CHD4: variants seen among roughly 807,000 people sequenced by gnomAD.
CHD4 encodes the protein ATP-dependent chromatin remodeler CHD4.
CHD4 carries 35 observed loss-of-function variants against 235.5 expected under a neutral mutation model. The observed-to-expected ratio is 0.15, with a 90% CI of 0.11 to 0.20. The LOEUF (loss-of-function observed/expected upper bound fraction) is 0.20, where lower values mean the gene tolerates loss of function less well. CHD4 is among the 10% of genes least tolerant of loss of function. The pLI, the probability that CHD4 is intolerant of heterozygous loss-of-function variation, is 1.00. For synonymous variants in CHD4, 900 were observed against 850.2 expected (o/e 1.06, Z -1.02); for missense variants, 1,329 against 2,432.3 (o/e 0.55, Z 9.54).
chr12:6,591,805 A>G lies in CHD4; in HGVS notation c.3111T>C (p.Asn1037=). The change falls in exon 21 of 40, where the codon AAT becomes AAC. Residue 1037 remains asparagine (N), a synonymous_variant. Transcript: ENST00000544040. Reference sequence around the variant, plus strand: ...TTAGGGCACTGCCATCATACATGCCATTAGGCATCTTAGGAGCTTCCTGAG... The same window carrying G: ...TTAGGGCACTGCCATCATACATGCCGTTAGGCATCTTAGGAGCTTCCTGAG... ...VAAMEAPKMP[N]GMYDGSALIR... 6.2e-7 allele frequency: 1 copy of G among 1,614,236 alleles called. No homozygotes were observed. The highest frequency in any genetic ancestry group is 8.5e-7 in the Non-Finnish European group (1 of 1,180,034).
Position 6,600,575 on chromosome 12 carries a change from C to T in CHD4, c.1022G>A (p.Arg341His), listed in dbSNP as rs1270212341. 3 of 1,613,886 alleles carry T rather than the reference C, an allele frequency of 1.9e-6. No homozygotes were observed. The highest frequency in any genetic ancestry group is 2.2e-5 in the East Asian group (1 of 44,888). ...VSDGSTSRSS[R>H]SRKKLRTTKK... ...AGTGGTTCGGAGTTTCTTGCGGCTG[C>T]GGCTACTACGGCTGGTGGAACCATC... The change falls in exon 8 of 40, where the codon CGC (arginine) becomes CAC (histidine). Residue 341 changes from arginine (R) to histidine (H), a missense_variant. Around this residue, in one of 26 missense-constraint regions of CHD4, gnomAD observed 160 missense variants for 196.6 expected, o/e 0.81. Coordinates refer to ENST00000544040, the MANE Select transcript of CHD4 (RefSeq NM_001273.5).
chr12:6,601,729 C>T lies in CHD4; in HGVS notation c.476G>A (p.Gly159Asp). 6.2e-7 allele frequency: 1 copy of T among 1,614,112 alleles called. No homozygotes were observed. Among genetic ancestry groups the T allele is most frequent in the African/African-American group, 1.3e-5 (1 of 75,008 alleles). ...KSSAQLLEDWGMEDIDHVFSE... is the reference protein window; with the variant it reads ...KSSAQLLEDWDMEDIDHVFSE... Reference sequence around the variant, plus strand: ...GAACACGTGGTCAATGTCTTCCATGCCCCAGTCTTCCAGGAGCTGAGCAGA... The same window carrying T: ...GAACACGTGGTCAATGTCTTCCATGTCCCAGTCTTCCAGGAGCTGAGCAGA... Residue 159 changes from glycine (G) to aspartate (D), a missense_variant, in exon 5 of 40, where the codon GGC (glycine) becomes GAC (aspartate). Physicochemically the swap from Gly to Asp is moderately conservative, Grantham distance 94. This residue lies in a region of CHD4 where 39 missense variants were observed against 86.6 expected (regional missense o/e 0.45). Transcript: ENST00000544040.
At position 6,606,320 on chromosome 12, in the gene CHD4, C is replaced by A; in HGVS notation, c.54G>T (p.Glu18Asp). 1 of 1,573,328 alleles carries A rather than the reference C, an allele frequency of 6.4e-7. No individual in the cohort carries two copies. Among genetic ancestry groups the A allele is most frequent in the Non-Finnish European group, 8.6e-7 (1 of 1,162,486 alleles). ...TGTTGTTCAAAAGTGCATCCATATC[C>A]TCCTCCTCACTGCCCGCCGAGCAGG... ...PSPCSAGSEE[E>D]DMDALLNNSL... Residue 18 changes from glutamate (E) to aspartate (D), a missense_variant, in exon 2 of 40, where the codon GAG (glutamate) becomes GAT (aspartate). Physicochemically the swap from Glu to Asp is conservative, Grantham distance 45. This residue lies in a region of CHD4 where 213 missense variants were observed against 177.5 expected (regional missense o/e 1.20). Transcript: ENST00000544040.
chr12:6,576,038 CCT>C (rs1948064768), intron 37 of CHD4, among the ~76,000 whole-genome samples: 2 of 152,100 alleles, frequency 1.3e-5, no homozygotes, highest in South Asian at 2.1e-4. Flanking sequence ...ACTCCAATTC[CCT>C]CTCGAGAACT....
intron 24 of CHD4, 57 bp from the exon 25 acceptor site, chr12:6,587,616 A>ATTT (rs1948322966): frequency 6.2e-7 from 1 of 1,608,920 alleles, no homozygotes; most frequent in Non-Finnish European, 8.5e-7. Context: ...TGCAGTGGAA[A>ATTT]AAGCAAGTCC....
chr12:6,570,319 C>A lies in CHD4; in HGVS notation c.*357G>T. 3.3e-6 allele frequency: 1 copy of A among 303,080 alleles called. No homozygotes were observed. Among genetic ancestry groups the A allele is most frequent in the Non-Finnish European group, 6.1e-6 (1 of 162,754 alleles). 18.8% of individuals were successfully genotyped at this position (303,080 alleles called of 1,614,324 possible). ...GGAGAAAAGAAAACACAAAATAAAC[C>A]AACAAAATAAAACCAAAAGGAGGAA... is the stretch of plus-strand genomic sequence containing the variant. On this transcript the variant is annotated 3_prime_UTR_variant, in exon 40 of 40. Transcript: ENST00000544040.
chr12:6,589,033 T>G (rs1948347786), intron 22 of CHD4, among the ~76,000 whole-genome samples: 1 of 151,732 alleles, frequency 6.6e-6, no homozygotes, highest in Non-Finnish European at 1.5e-5. Context: ...AGATCACCTG[T>G]GGTCAGGAGT....
Position 6,581,872 on chromosome 12 carries a change from T to C in CHD4, c.4516-58A>G, listed in dbSNP as rs1317253962. ...ATTCCAGCTACAGGCTCCTTTCCTA[T>C]TGGCCTTCCAGTCTCCGCCTCCCGG... On this transcript the variant is annotated intron_variant, in intron 30 of 39. Transcript: ENST00000544040. 1.2e-5 allele frequency: 18 copies of C among 1,488,770 alleles called. No homozygotes were observed. The East Asian group carries it at 2.6e-4, about 21-fold the overall frequency. 92.2% of individuals were successfully genotyped at this position (1,488,770 alleles called of 1,614,324 possible).
At chr12:6,600,170 C>T in intron 9 of CHD4, 47 bp downstream of exon 9, 1 of 1,604,904 alleles carries the variant, frequency 6.2e-7, no homozygotes, top group South Asian at 1.1e-5. Context: ...TACTGTCCCA[C>T]CCTTCTTCTC....
In CHD4 at chr12:6,601,345, G is replaced by A. The variant is rs368236345; in HGVS notation, c.743C>T (p.Pro248Leu). The A allele has an allele frequency of 6.2e-7, 1 of 1,614,096 alleles. No individual in the cohort carries two copies. The highest frequency in any genetic ancestry group is 8.5e-7 in the Non-Finnish European group (1 of 1,180,000). Residue 248 changes from proline to leucine, a missense_variant, in exon 6 of 40, where the codon CCA becomes CTA. Around this residue, in one of 26 missense-constraint regions of CHD4, gnomAD observed 160 missense variants for 196.6 expected, o/e 0.81. Coordinates refer to ENST00000544040, the MANE Select transcript of CHD4 (RefSeq NM_001273.5). ...AGGCACCTCCACAGGGGGAGGTGGT[G>A]GTGCAACCTCAGTGGCTGTCACCAT... is the stretch of plus-strand genomic sequence containing the variant. ...ESMVTATEVAPPPPPVEVPIR... is the reference protein window; with the variant it reads ...ESMVTATEVALPPPPVEVPIR...
intron 7 of CHD4, 123 bp downstream of exon 7, chr12:6,600,803 C>A (rs1316696714): frequency 2.7e-6 from 4 of 1,509,350 alleles, no homozygotes; most frequent in Non-Finnish European, 2.7e-6. Flanking sequence ...CTAGTCTCAT[C>A]TTGTTCTGTG....
At chr12:6,575,348 T>C (rs550934835) in intron 37 of CHD4, among the ~76,000 whole-genome samples, 1 of 149,916 alleles carries the variant, frequency 6.7e-6, no homozygotes, top group South Asian at 2.1e-4. Context: ...CTTAGGAGGC[T>C]GAGGCAGGAG....
rs2136213914 is a variant in CHD4 at position 6,592,076 on chromosome 12, AAGAC to A, written c.2949-23_2949-20del. The A allele has an allele frequency of 1.2e-6, 2 of 1,613,900 alleles. No homozygotes were observed. Among genetic ancestry groups the A allele is most frequent in the Middle Eastern group, 1.7e-4 (1 of 6,004 alleles). Reference sequence around the variant, plus strand: ...GTATTTCCTACATGGGCAAGGTAGAAAGACAGGTTAGACTTGAGAGCCTTTCAAT... The same window carrying A: ...GTATTTCCTACATGGGCAAGGTAGAAAGGTTAGACTTGAGAGCCTTTCAAT... On this transcript the variant is annotated intron_variant, in intron 19 of 39. Transcript: ENST00000544040.
intron 10 of CHD4, among the ~76,000 whole-genome samples, chr12:6,598,997 T>A (rs771774996): frequency 6.6e-6 from 1 of 152,190 alleles, no homozygotes. Context: ...CGTCCAGGAT[T>A]TGCGTGCCAC....
rs1047140449 is a variant in CHD4 at position 6,582,751 on chromosome 12, A to AG, written c.4237-4dup. On this transcript the variant is annotated splice_region_variant and splice_polypyrimidine_tract_variant and intron_variant, in intron 28 of 39. Transcript: ENST00000544040. ...TGACGAGCATTAAAACCAAGTACCT[A>AG]GGGGAAGAAGAAACCCAGGTGAGAG... The AG allele has an allele frequency of 1.2e-6, 2 of 1,614,094 alleles. No individual in the cohort carries two copies. Among genetic ancestry groups the AG allele is most frequent in the Non-Finnish European group, 1.7e-6 (2 of 1,180,052 alleles).
chr12:6,602,827 G>C (rs1565619892), intron 2 of CHD4: 1 of 207,666 alleles, frequency 4.8e-6, no homozygotes, highest in East Asian at 1.1e-4. Context: ...CCAAGTAAGA[G>C]AACTAGATTT....
chr12:6,571,097 G>A, intron 38 of CHD4, 65 bp from the exon 39 acceptor site: 1 of 1,564,906 alleles, frequency 6.4e-7, no homozygotes, highest in African/African-American at 1.4e-5. Flanking sequence ...CTACCCTAGT[G>A]GACCAGCCCC....
At position 6,593,181 on chromosome 12, in the gene CHD4, C is replaced by T. The variant is rs201070575; in HGVS notation, c.2562G>A (p.Leu854=). The T allele has an allele frequency of 4.9e-5, 79 of 1,614,202 alleles. No individual in the cohort carries two copies. The East Asian group carries it at 1.7e-3, about 34-fold the overall frequency. The change falls in exon 17 of 40, where the codon TTG becomes TTA. Residue 854 remains leucine, a synonymous_variant. Transcript: ENST00000544040. The surrounding 1 kb of genome is among the most constrained non-coding windows in gnomAD (Gnocchi z 4.9). ...CCAAAATAGCCATGTCAATGGTGAT[C>T]AATTCATAGGATGTCAGCAGCACAT... The part of the protein sequence containing the change: ...KFHVLLTSYE[L]ITIDMAILGS...
intron 1 of CHD4, chr12:6,606,692 G>A (rs1014754417): frequency 9.9e-5 from 26 of 262,712 alleles, no homozygotes; most frequent in Admixed American, 1.1e-4. Flanking sequence ...CGCGGGGAGG[G>A]GAGACGCGGG....
Sources: allele counts gnomAD v4.1 joint callset (sites outside exome capture counted in the v4.1 genomes callset), GRCh38; gene constraint gnomAD v4.1.1; regional missense constraint gnomAD v4.1.1; non-coding constraint Gnocchi (gnomAD v3.1); transcripts MANE v1.5; gene names NCBI Gene and HGNC (gene_info 2026-07-23, HGNC 2026-07-21).